The following TMEM31 variants were observed in gnomAD, a reference collection of about 807,000 sequenced individuals.
TMEM31 encodes transmembrane protein 31.
In TMEM31, 1 loss-of-function variant was observed where a neutral mutation model predicts 2.4. That is an observed-to-expected ratio of 0.42 (90% CI 0.15 to 1.97). The LOEUF (loss-of-function observed/expected upper bound fraction) is 1.97, where lower values mean the gene tolerates loss of function less well. TMEM31 is among the 30% of genes most tolerant of loss of function. TMEM31 has a pLI of 0.30. For synonymous variants in TMEM31, 47 were observed against 45.8 expected (o/e 1.03, Z -0.10); for missense variants, 119 against 121.3 (o/e 0.98, Z 0.09).
In TMEM31 at chrX:103,713,465, G is replaced by A. The variant is rs764225315; in HGVS notation, c.103-129G>A. 69 of 1,160,824 alleles carry A rather than the reference G, an allele frequency of 5.9e-5. No individual in the cohort carries two copies. The African/African-American group carries it at 1.1e-3, about 18-fold the overall frequency. Reference sequence around the variant, plus strand: ...TCTTGGTTTGTGGGGAGGCGGAGTAGGGAGGAAGGAGTCCAAAGGAGAAAG... The same window carrying A: ...TCTTGGTTTGTGGGGAGGCGGAGTAAGGAGGAAGGAGTCCAAAGGAGAAAG... On this transcript the variant is annotated intron_variant, in intron 2 of 2. Transcript: ENST00000319560.
intron 2 of TMEM31, chrX:103,713,369 C>T (rs925148243): frequency 3.0e-5 from 19 of 627,134 alleles, no homozygotes; most frequent in Non-Finnish European, 4.0e-5. Flanking sequence ...GGATTACAGG[C>T]GTGAGCCACT....
chrX:103,712,462 T>G (rs2074227727), intron 2 of TMEM31, 102 bp downstream of exon 2: 1 of 689,733 alleles, frequency 1.4e-6, no homozygotes, highest in African/African-American at 2.2e-5. Context: ...TAACCACCAA[T>G]TAGTGTATGA....
chrX:103,711,813 C>T (rs1248787775), intron 1 of TMEM31, among the ~76,000 whole-genome samples: 1 of 111,801 alleles, frequency 8.9e-6, no homozygotes, highest in Non-Finnish European at 1.9e-5. Flanking sequence ...TGCGGACATA[C>T]GGTAGGGGTG....
At chrX:103,712,958 G>C (rs900184279) in intron 2 of TMEM31, among the ~76,000 whole-genome samples, 1 of 112,292 alleles carries the variant, frequency 8.9e-6, no homozygotes, top group Non-Finnish European at 1.9e-5. Context: ...GAATCAAAGA[G>C]ATTAAAGTAA....
At chrX:103,712,121 G>C in intron 1 of TMEM31, 115 bp from the exon 2 acceptor site, 1 of 475,792 alleles carries the variant, frequency 2.1e-6, no homozygotes, top group Non-Finnish European at 3.5e-6. Context: ...CTTCTGTGAG[G>C]CTGGCCCAGG....
At chrX:103,711,408 C>A (rs1313334428) in intron 1 of TMEM31, among the ~76,000 whole-genome samples, 1 of 106,105 alleles carries the variant, frequency 9.4e-6, no homozygotes, top group Non-Finnish European at 1.9e-5. Flanking sequence ...GGCGTGAACC[C>A]GGGAGGCGGA....
chrX:103,712,146 T>C, intron 1 of TMEM31, 90 bp from the exon 2 acceptor site: 1 of 638,843 alleles, frequency 1.6e-6, no homozygotes, highest in Non-Finnish European at 2.4e-6. Context: ...TCTGTTGTCA[T>C]GACAACTTAC....
intron 1 of TMEM31, among the ~76,000 whole-genome samples, chrX:103,711,803 T>C (rs1040581393): frequency 2.7e-5 from 3 of 111,845 alleles, no homozygotes; most frequent in Non-Finnish European, 3.8e-5. Flanking sequence ...ATATTTTTAG[T>C]GCGGACATAC....
chrX:103,714,028 ATGAACACTGCATT>A (rs756119739), exon 3 of TMEM31: 135 of 1,144,135 alleles, frequency 1.2e-4, no homozygotes, highest in East Asian at 3.9e-3. Context: ...AGCAATGAGC[ATGAACACTGCATT>A]TGTCTTCCCT....
chrX:103,711,726 A>G (rs1308355654), intron 1 of TMEM31, among the ~76,000 whole-genome samples: 1 of 111,778 alleles, frequency 8.9e-6, no homozygotes, highest in Non-Finnish European at 1.9e-5. Context: ...TAGATGAGAC[A>G]GGAGCCCTGC....
At position 103,713,876 on chromosome X, in the gene TMEM31, G is replaced by T. The variant is rs777807891; in HGVS notation, c.385G>T (p.Ala129Ser). Residue 129 changes from alanine (A) to serine (S), a missense_variant, in exon 3 of 3, where the codon GCA becomes TCA. Transcript: ENST00000319560. The stretch of plus-strand genomic sequence containing the variant: ...ACTGCCCATCATACTCCACCTCTTC[G>T]CACTCTCCACCCTCTACTTCTACAA... ...IGLPIILHLF[A>S]LSTLYFYKFF... is the part of the protein sequence containing the mutation. 1.2e-5 allele frequency: 14 copies of T among 1,209,768 alleles called. No individual in the cohort carries two copies. Among genetic ancestry groups the T allele is most frequent in the South Asian group, 3.5e-5 (2 of 56,830 alleles).
intron 1 of TMEM31, among the ~76,000 whole-genome samples, chrX:103,711,345 G>A (rs1307625545): frequency 9.1e-6 from 1 of 110,407 alleles, no homozygotes; most frequent in Non-Finnish European, 1.9e-5. Flanking sequence ...TTAGCCGGGC[G>A]TGGTGGCGGG....
At chrX:103,712,459 C>A in intron 2 of TMEM31, 99 bp downstream of exon 2, 2 of 714,516 alleles carry the variant, frequency 2.8e-6, no homozygotes, top group Non-Finnish European at 4.0e-6. Context: ...TCTTAACCAC[C>A]AATTAGTGTA....
chrX:103,713,365 C>T (rs2074232156), intron 2 of TMEM31, among the ~76,000 whole-genome samples: 1 of 112,042 alleles, frequency 8.9e-6, no homozygotes, highest in African/African-American at 3.2e-5. Context: ...GCTGGGATTA[C>T]AGGCGTGAGC....
At chrX:103,712,006 T>C (rs1339396500) in intron 1 of TMEM31, among the ~76,000 whole-genome samples, 1 of 111,776 alleles carries the variant, frequency 8.9e-6, no homozygotes, top group Non-Finnish European at 1.9e-5. Flanking sequence ...ACAGAAAACA[T>C]GGAGTCAGAG....
intron 1 of TMEM31, 33 bp from the exon 2 acceptor site, chrX:103,712,203 C>G (rs986276466): frequency 9.0e-7 from 1 of 1,105,323 alleles, no homozygotes; most frequent in African/African-American, 1.8e-5. Context: ...CCTCTGTTGT[C>G]ATGACGACAA....
intron 1 of TMEM31, among the ~76,000 whole-genome samples, chrX:103,711,682 G>T (rs2074224648): frequency 9.0e-6 from 1 of 111,542 alleles, no homozygotes; most frequent in Non-Finnish European, 1.9e-5. Context: ...CCAACTAAAG[G>T]ACTAAAGGGT....
rs1205906715 is a variant in TMEM31, at chrX:103,713,926, CCTTT to C, written c.444_447del (p.Phe148LeufsTer17). On this transcript the variant is annotated frameshift_variant, in exon 3 of 3. Transcript: ENST00000319560. LOFTEE classifies it low-confidence loss of function (END_TRUNC). ...AGTTTTTCCTTCCTACAATTCTTTC[CCTTT>C]CTTTCTTTATTCTTCTTGTACTTCT... 2 of 1,209,837 alleles carry C rather than the reference CCTTT, an allele frequency of 1.7e-6. No homozygotes were observed. The highest frequency in any genetic ancestry group is 2.2e-6 in the Non-Finnish European group (2 of 895,089).
At chrX:103,712,675 G>GCA (rs1368755729) in intron 2 of TMEM31, among the ~76,000 whole-genome samples, 1 of 111,615 alleles carries the variant, frequency 9.0e-6, no homozygotes, top group Non-Finnish European at 1.9e-5. Context: ...GGGATTACAG[G>GCA]TGCCCACCAC....
Sources: gnomAD v4.1 joint callset for allele counts (sites outside exome capture counted in the v4.1 genomes callset) on GRCh38, gnomAD v4.1.1 for gene constraint, MANE v1.5 for transcripts, NCBI Gene and HGNC (gene_info 2026-07-23, HGNC 2026-07-21) for gene names.